RNF217: variants seen among roughly 807,000 people sequenced by gnomAD.
RNF217 encodes the protein ring finger protein 217.
Under a neutral mutation model 57.8 loss-of-function variants are expected in RNF217, and 31 were observed. That is an observed-to-expected ratio of 0.54 (90% CI 0.40 to 0.72). The LOEUF is 0.72. Ranked by LOEUF, RNF217 falls within the 30% of genes least tolerant of loss-of-function variation. The probability of loss-of-function intolerance (pLI) is 0.00; values close to 1 mark genes in which losing one functional copy is unlikely to be tolerated. For missense variants in RNF217, 696 were observed against 708.3 expected, an observed-to-expected ratio of 0.98 and a Z score of 0.20; for synonymous variants, 313 against 294.0, an observed-to-expected ratio of 1.06 and a Z score of -0.66.
At chr6:124,998,715 C>T (rs923934086) in intron 1 of RNF217, among the ~76,000 whole-genome samples, 6 of 152,144 alleles carry the variant, frequency 3.9e-5, no homozygotes, top group Non-Finnish European at 8.8e-5. Flanking sequence ...GCAGGAGAAT[C>T]GTTTGAACCT....
At chr6:125,009,191 G>T in intron 1 of RNF217, 1 of 1,574,410 alleles carries the variant, frequency 6.4e-7, no homozygotes, top group South Asian at 1.2e-5. Context: ...GCCAGCACTT[G>T]AGTAAAGATA....
chr6:124,964,157 T>G (rs1373127669), intron 1 of RNF217, among the ~76,000 whole-genome samples: 3 of 152,240 alleles, frequency 2.0e-5, no homozygotes, highest in Non-Finnish European at 4.4e-5. Context: ...CAGACCAGCT[T>G]TCCTTCACTG....
Position 124,982,109 on chromosome 6 carries a change from T to C in RNF217, c.882+18683T>C, listed in dbSNP as rs144327163. ...ATTGTGAGGGAGGTATGTAGCTATG[T>C]AGCTTTTTTATTTTTGTAGCTATCT... is the stretch of plus-strand genomic sequence containing the variant. On this transcript the variant is annotated intron_variant, in intron 1 of 5. Coordinates refer to ENST00000521654, the MANE Select transcript of RNF217 (RefSeq NM_001286398.3). Among the ~76,000 whole-genome samples the C allele has an allele frequency of 2.9e-3, 438 of 151,248 alleles. 2 individuals carry two copies. Among genetic ancestry groups the C allele is most frequent in the African/African-American group, 0.01 (416 of 41,326 alleles).
chr6:125,049,643 CACACA>C (rs1787231855), intron 2 of RNF217, among the ~76,000 whole-genome samples: 1 of 151,780 alleles, frequency 6.6e-6, no homozygotes, highest in African/African-American at 2.4e-5. Flanking sequence ...TAAATGAAAT[CACACA>C]TATAAATTAC....
chr6:124,980,598 T>A (rs1312169202), intron 1 of RNF217, among the ~76,000 whole-genome samples: 1 of 152,198 alleles, frequency 6.6e-6, no homozygotes, highest in African/African-American at 2.4e-5. Flanking sequence ...TGGTGTAAGT[T>A]CCACATCCTC....
At chr6:125,001,894 T>C (rs1382107344) in intron 1 of RNF217, among the ~76,000 whole-genome samples, 1 of 152,152 alleles carries the variant, frequency 6.6e-6, no homozygotes, top group African/African-American at 2.4e-5. Flanking sequence ...CCATCAATTA[T>C]TCCCTGACAG....
intron 1 of RNF217, among the ~76,000 whole-genome samples, chr6:125,039,071 A>C (rs188595175): frequency 6.6e-6 from 1 of 151,210 alleles, no homozygotes; most frequent in Admixed American, 6.6e-5. Flanking sequence ...TTGTTGTTCA[A>C]CTCCCACTTG....
chr6:125,027,466 ATTG>A (rs755728379), intron 1 of RNF217, among the ~76,000 whole-genome samples: 3 of 152,108 alleles, frequency 2.0e-5, no homozygotes, highest in Non-Finnish European at 4.4e-5. Context: ...TTTCCTCCAT[ATTG>A]TTGCAAGTGA....
Position 125,084,050 on chromosome 6 carries a change from C to G in RNF217, c.*1113C>G, listed in dbSNP as rs1049015375. ...AATTATAGATAATTCTGCTTTAGGTCAAGGTCTTACATCATTTAATATCCT... is the reference window on the plus strand; with the variant it reads ...AATTATAGATAATTCTGCTTTAGGTGAAGGTCTTACATCATTTAATATCCT... On this transcript the variant is annotated 3_prime_UTR_variant, in exon 6 of 6. Coordinates refer to ENST00000521654, the MANE Select transcript of RNF217 (RefSeq NM_001286398.3). The G allele has an allele frequency of 6.6e-6, 1 of 151,976 alleles. No homozygotes were observed. The highest frequency in any genetic ancestry group is 1.5e-5 in the Non-Finnish European group (1 of 67,950). 9.4% of individuals were successfully genotyped at this position (151,976 alleles called of 1,614,324 possible).
At chr6:125,070,735 T>C (rs1015957737) in intron 3 of RNF217, among the ~76,000 whole-genome samples, 6 of 152,222 alleles carry the variant, frequency 3.9e-5, no homozygotes, top group Non-Finnish European at 5.9e-5. Flanking sequence ...TCCTTGTAAC[T>C]TTTGTTTCTA....
chr6:125,000,427 TG>T (rs1467348080), intron 1 of RNF217, among the ~76,000 whole-genome samples: 2 of 152,052 alleles, frequency 1.3e-5, no homozygotes, highest in East Asian at 3.8e-4. Context: ...AATGTGTAAA[TG>T]TAAGGGGGCA....
At chr6:125,047,726 T>G (rs965587098) in intron 2 of RNF217, among the ~76,000 whole-genome samples, 4 of 151,540 alleles carry the variant, frequency 2.6e-5, no homozygotes, top group African/African-American at 9.7e-5. Flanking sequence ...ACTCAATTGA[T>G]TCCTTTTGAT....
In RNF217 at chr6:125,062,538, A is replaced by C. The variant is rs146963356; in HGVS notation, c.1281+4432A>C. 4.6e-3 allele frequency among the ~76,000 whole-genome samples: 700 copies of C among 152,026 alleles called. 6 individuals are homozygous for C. The highest frequency in any genetic ancestry group is 7.3e-3 in the Non-Finnish European group (498 of 67,934). ...ACATTAAGGTCAACTTTACTTAGCC[A>C]TTTTTATTTGAATCTTATTGTTCCT... On this transcript the variant is annotated intron_variant, in intron 3 of 5. Coordinates refer to ENST00000521654, the MANE Select transcript of RNF217 (RefSeq NM_001286398.3).
intron 1 of RNF217, among the ~76,000 whole-genome samples, chr6:125,023,739 T>C (rs964807107): frequency 6.6e-6 from 1 of 152,160 alleles, no homozygotes; most frequent in African/African-American, 2.4e-5. Flanking sequence ...TGTTAATCAG[T>C]CTTTAGAAAG....
At position 124,963,274 on chromosome 6, in the gene RNF217, C is replaced by A. The variant is rs1243963730; in HGVS notation, c.730C>A (p.Pro244Thr). The A allele has an allele frequency of 8.5e-6, 13 of 1,535,888 alleles. No homozygotes were observed. The highest frequency in any genetic ancestry group is 1.0e-5 in the Non-Finnish European group (12 of 1,146,860). ...FSMPSLLGAP[P>T]YSGLGGVGDP... ...CATGCCCAGCCTGTTGGGAGCTCCA[C>A]CCTACTCTGGCCTGGGCGGTGTAGG... Residue 244 changes from proline (P) to threonine (T), a missense_variant, in exon 1 of 6, where the codon CCC (proline) becomes ACC (threonine). Pro to Thr is a conservative substitution (Grantham distance 38, BLOSUM62 -1). Around this residue, in one of 2 missense-constraint regions of RNF217, gnomAD observed 465 missense variants for 386.8 expected, o/e 1.20. Coordinates refer to ENST00000521654, the MANE Select transcript of RNF217 (RefSeq NM_001286398.3).
chr6:124,970,948 G>C (rs1323790037), intron 1 of RNF217, among the ~76,000 whole-genome samples: 1 of 152,222 alleles, frequency 6.6e-6, no homozygotes, highest in Non-Finnish European at 1.5e-5. Flanking sequence ...CCAACAAGGA[G>C]TTTATTGGTA....
chr6:125,081,512 GA>G lies in RNF217; in HGVS notation c.1555+8del, dbSNP rs767573746. The G allele has an allele frequency of 6.2e-7, 1 of 1,605,788 alleles. No individual in the cohort carries two copies. Among genetic ancestry groups the G allele is most frequent in the Non-Finnish European group, 8.5e-7 (1 of 1,173,508 alleles). On this transcript the variant is annotated splice_donor_region_variant and intron_variant, in intron 5 of 5. Transcript: ENST00000521654. ...GGGCCATAGCGGTTGTAATCGGTAA[GA>G]AACACTTCATGCATCTGAGATTAGA...
In RNF217 at chr6:125,090,030, C is replaced by T. The variant is rs1788887788; in HGVS notation, c.*7093C>T. The T allele has an allele frequency of 6.6e-6, 1 of 151,880 alleles. No individual in the cohort carries two copies. Among genetic ancestry groups the T allele is most frequent in the African/African-American group, 2.4e-5 (1 of 41,350 alleles). 9.4% of individuals were successfully genotyped at this position (151,880 alleles called of 1,614,324 possible). A position where few individuals can be genotyped will look rare whatever the true frequency, so the allele number is the denominator to read the frequency against. On this transcript the variant is annotated 3_prime_UTR_variant, in exon 6 of 6. Coordinates refer to ENST00000521654, the MANE Select transcript of RNF217 (RefSeq NM_001286398.3). ...CAGCTGACAAGAAACCCTTCTAAGA[C>T]CCATTTTTTTAAGTGTCATATGGCA...
intron 1 of RNF217, among the ~76,000 whole-genome samples, chr6:125,002,991 T>C (rs962831208): frequency 4.6e-5 from 7 of 152,114 alleles, no homozygotes; most frequent in Admixed American, 2.6e-4. Flanking sequence ...ATAATGAAAG[T>C]ATAAAAAATT....
Sources: allele counts gnomAD v4.1 joint callset (sites outside exome capture counted in the v4.1 genomes callset), GRCh38; gene constraint gnomAD v4.1.1; regional missense constraint gnomAD v4.1.1; transcripts MANE v1.5; gene names NCBI Gene and HGNC (gene_info 2026-07-23, HGNC 2026-07-21).